Variants in HLCS observed in about 807,000 individuals in gnomAD.
The protein encoded by HLCS is holocarboxylase synthetase, also known as biotin--protein ligase.
A neutral mutation model predicts 75.0 loss-of-function variants in HLCS; 53 were observed. That is an observed-to-expected ratio of 0.71 (90% CI 0.57 to 0.89). HLCS has a LOEUF of 0.89. HLCS is among the 40% of genes least tolerant of loss of function. HLCS has a pLI of 0.00. For missense variants in HLCS, 966 were observed against 1,074.0 expected (o/e 0.90, Z 1.41); for synonymous variants, 431 against 428.6 (o/e 1.01, Z -0.07).
At chr21:36,764,397 A>G (rs2145764922) in intron 8 of HLCS, among the ~76,000 whole-genome samples, 1 of 152,042 alleles carries the variant, frequency 6.6e-6, no homozygotes, top group Non-Finnish European at 1.5e-5. Flanking sequence ...CTCTGTCTCA[A>G]AAAAATAAAT....
At chr21:36,819,332 C>T (rs1228218182) in intron 6 of HLCS, among the ~76,000 whole-genome samples, 4 of 152,126 alleles carry the variant, frequency 2.6e-5, no homozygotes, top group Non-Finnish European at 2.9e-5. Flanking sequence ...GAGAGGAGCA[C>T]GAGGGATGTA....
intron 6 of HLCS, among the ~76,000 whole-genome samples, chr21:36,882,188 A>G (rs1335523872): frequency 6.6e-6 from 1 of 152,036 alleles, no homozygotes; most frequent in African/African-American, 2.4e-5. Context: ...AGGCTGAGGC[A>G]GGAGAATGGC....
intron 6 of HLCS, among the ~76,000 whole-genome samples, chr21:36,795,271 G>A (rs539786057): frequency 3.9e-5 from 6 of 152,170 alleles, no homozygotes; most frequent in African/African-American, 2.4e-5. Flanking sequence ...AAGGAAATGC[G>A]CTTCGTCTTC....
intron 8 of HLCS, among the ~76,000 whole-genome samples, chr21:36,762,598 T>G (rs1172830233): frequency 2.6e-5 from 4 of 152,194 alleles, no homozygotes; most frequent in Non-Finnish European, 1.5e-5. Flanking sequence ...AACAGGGGCC[T>G]ATTTCAATCA....
chr21:36,963,471 G>A (rs1569257516), intron 1 of HLCS, among the ~76,000 whole-genome samples: 1 of 152,178 alleles, frequency 6.6e-6, no homozygotes, highest in Non-Finnish European at 1.5e-5. Context: ...TAAAAAGTAT[G>A]TCCACTTAGG....
At chr21:36,843,239 G>A (rs913971380) in intron 6 of HLCS, among the ~76,000 whole-genome samples, 4 of 152,210 alleles carry the variant, frequency 2.6e-5, no homozygotes, top group African/African-American at 9.6e-5. Flanking sequence ...AGGAGTTCAA[G>A]ACCAGCCTGG....
intron 5 of HLCS, among the ~76,000 whole-genome samples, chr21:36,906,050 A>AAAAAAC (rs2065438033): frequency 1.8e-5 from 1 of 56,274 alleles, no homozygotes; most frequent in Non-Finnish European, 3.4e-5. Context: ...ACTCCATCTC[A>AAAAAAC]AAAAAAAAAA....
At chr21:36,867,193 A>G (rs1168673924) in intron 6 of HLCS, among the ~76,000 whole-genome samples, 2 of 152,196 alleles carry the variant, frequency 1.3e-5, no homozygotes, top group Non-Finnish European at 2.9e-5. Context: ...GAGTTCCTCG[A>G]TGGGCGTTGC....
chr21:36,954,397 G>A (rs1440599746), intron 2 of HLCS, among the ~76,000 whole-genome samples: 3 of 151,268 alleles, frequency 2.0e-5, no homozygotes, highest in Admixed American at 6.6e-5. Context: ...GGCAGATCAC[G>A]AGGTCAGGAG....
At position 36,962,186 on chromosome 21, in the gene HLCS, G is replaced by T. The variant is rs866442111; in HGVS notation, c.196-16C>A. On this transcript the variant is annotated splice_polypyrimidine_tract_variant and intron_variant, in intron 1 of 10. Transcript: ENST00000674895. The stretch of plus-strand genomic sequence containing the variant: ...CTTCAATGGACTGTATAGAGGGAAA[G>T]AAATATAATGAGATTGTCACTTCAT... 14 of 1,277,190 alleles carry T rather than the reference G, an allele frequency of 1.1e-5. No homozygotes were observed. Among genetic ancestry groups the T allele is most frequent in the Middle Eastern group, 2.1e-4 (1 of 4,674 alleles). 79.1% of individuals were successfully genotyped at this position (1,277,190 alleles called of 1,614,324 possible).
chr21:36,965,192 C>G (rs1393676666), intron 1 of HLCS, among the ~76,000 whole-genome samples: 1 of 152,160 alleles, frequency 6.6e-6, no homozygotes, highest in Admixed American at 6.5e-5. Flanking sequence ...AATGTTCAAA[C>G]CTGAGATAAG....
At chr21:36,814,114 T>C (rs543869653) in intron 6 of HLCS, among the ~76,000 whole-genome samples, 1 of 152,308 alleles carries the variant, frequency 6.6e-6, no homozygotes, top group Non-Finnish European at 1.5e-5. Context: ...TTTCTCTTGA[T>C]GGTCACTGTC....
chr21:36,849,809 T>G (rs1477725309), intron 6 of HLCS, among the ~76,000 whole-genome samples: 1 of 152,244 alleles, frequency 6.6e-6, no homozygotes, highest in East Asian at 1.9e-4. Flanking sequence ...GGTCAATTTC[T>G]GTTGTTTGCA....
chr21:36,904,124 G>A (rs1323544822), intron 5 of HLCS, among the ~76,000 whole-genome samples: 1 of 152,144 alleles, frequency 6.6e-6, no homozygotes, highest in Admixed American at 6.5e-5. Context: ...CAGGTATTCT[G>A]TTATAGCAAC....
chr21:36,816,758 G>A (rs1462062012), intron 6 of HLCS, among the ~76,000 whole-genome samples: 1 of 152,138 alleles, frequency 6.6e-6, no homozygotes, highest in Non-Finnish European at 1.5e-5. Context: ...GGAGATACAT[G>A]GCACAGCTCC....
chr21:36,781,455 T>C (rs2060531558), intron 6 of HLCS, among the ~76,000 whole-genome samples: 1 of 152,184 alleles, frequency 6.6e-6, no homozygotes, highest in Non-Finnish European at 1.5e-5. Flanking sequence ...ATTGTGCATA[T>C]TTCTTATGCA....
chr21:36,912,541 G>A (rs1017851723), intron 5 of HLCS, among the ~76,000 whole-genome samples: 4 of 152,000 alleles, frequency 2.6e-5, no homozygotes, highest in Non-Finnish European at 4.4e-5. Context: ...TATTTAGGAC[G>A]CTTAAAAAAA....
At chr21:36,831,798 G>A (rs753175253) in intron 6 of HLCS, among the ~76,000 whole-genome samples, 15 of 152,204 alleles carry the variant, frequency 9.9e-5, no homozygotes, top group Non-Finnish European at 1.9e-4. Flanking sequence ...TTTATGAGTA[G>A]AAGGGAATAT....
chr21:36,794,976 C>G (rs945343848), intron 6 of HLCS, among the ~76,000 whole-genome samples: 1 of 151,808 alleles, frequency 6.6e-6, no homozygotes, highest in Non-Finnish European at 1.5e-5. Context: ...AGACAGCCCA[C>G]GGAATCCAAG....
Sources: gnomAD v4.1 joint callset for allele counts (sites outside exome capture counted in the v4.1 genomes callset) on GRCh38, gnomAD v4.1.1 for gene constraint, MANE v1.5 for transcripts, NCBI Gene and HGNC (gene_info 2026-07-23, HGNC 2026-07-21) for gene names.